Variants in CHLSN observed in about 807,000 individuals in gnomAD.
CHLSN encodes the protein cholesin, also known as protein cholesin.
the CHLSN span, among the ~76,000 whole-genome samples, chr7:1,126,171 T>G: frequency 6.6e-6 from 1 of 150,642 alleles, no homozygotes; most frequent in Non-Finnish European, 1.5e-5. Context: ...CCATCCCAGC[T>G]AACATGGTGA....
At chr7:1,133,465 G>A in the CHLSN span, among the ~76,000 whole-genome samples, 1 of 148,382 alleles carries the variant, frequency 6.7e-6, no homozygotes, top group Non-Finnish European at 1.5e-5. Context: ...TAACACCCAA[G>A]TGCGGCCAGG....
chr7:1,017,543 C>A, the CHLSN span, among the ~76,000 whole-genome samples: 1 of 152,052 alleles, frequency 6.6e-6, no homozygotes, highest in South Asian at 2.1e-4. Context: ...CCCTGGATGG[C>A]AGGGGAGGTG....
the CHLSN span, among the ~76,000 whole-genome samples, chr7:1,040,182 TTAAAAA>T: frequency 1.5e-3 from 140 of 96,102 alleles, 7 homozygotes; most frequent in Non-Finnish European, 2.0e-3. Flanking sequence ...AAAAATAAAT[TTAAAAA>T]AAAAAAAAAA....
the CHLSN span, chr7:997,480 C>T: frequency 2.1e-5 from 14 of 664,204 alleles, no homozygotes; most frequent in East Asian, 6.6e-5. Flanking sequence ...CTGGTGATCC[C>T]GGCCCCCACC....
At chr7:997,895 G>GGGCCTCA in the CHLSN span, 4 of 1,258,770 alleles carry the variant, frequency 3.2e-6, no homozygotes, top group South Asian at 4.0e-5. Context: ...AAGGACACCC[G>GGGCCTCA]GGCCTCAGGC....
the CHLSN span, among the ~76,000 whole-genome samples, chr7:1,096,033 A>T: frequency 6.6e-6 from 1 of 152,040 alleles, no homozygotes; most frequent in Non-Finnish European, 1.5e-5. This position sits in a 1 kb window ranked among gnomAD's most constrained non-coding sequence, Gnocchi z 4.6. Context: ...CAGGGACGGG[A>T]CTCAACTCAT....
the CHLSN span, among the ~76,000 whole-genome samples, chr7:1,022,292 C>T: frequency 1.3e-5 from 2 of 152,194 alleles, no homozygotes; most frequent in African/African-American, 4.8e-5. Context: ...TCTCCTGCAT[C>T]GCCTCAGACC....
chr7:1,065,795 C>T, the CHLSN span, among the ~76,000 whole-genome samples: 15 of 152,344 alleles, frequency 9.8e-5, no homozygotes, highest in Non-Finnish European at 1.8e-4. Context: ...GGCTCAGCAT[C>T]TCATGGGAAA....
chr7:986,548 G>A, the CHLSN span: 2 of 1,547,864 alleles, frequency 1.3e-6, no homozygotes, highest in East Asian at 4.5e-5. Context: ...CACAGCCGCT[G>A]GGGACGATCA....
the CHLSN span, among the ~76,000 whole-genome samples, chr7:983,606 T>TGCCC: frequency 2.0e-5 from 3 of 152,116 alleles, no homozygotes; most frequent in South Asian, 2.1e-4. Context: ...GCCCTGGAGG[T>TGCCC]GCCACCCAGG....
the CHLSN span, among the ~76,000 whole-genome samples, chr7:981,501 G>A: frequency 6.6e-6 from 1 of 151,308 alleles, no homozygotes; most frequent in African/African-American, 2.4e-5. Context: ...TCATGATGAG[G>A]TCAAGAGATC....
the CHLSN span, among the ~76,000 whole-genome samples, chr7:1,064,240 C>T: frequency 1.3e-5 from 2 of 152,152 alleles, no homozygotes; most frequent in Admixed American, 6.5e-5. Context: ...CCCGACACAG[C>T]GCCGGGTCCT....
the CHLSN span, among the ~76,000 whole-genome samples, chr7:1,105,150 G>A: frequency 2.0e-5 from 3 of 152,222 alleles, no homozygotes; most frequent in African/African-American, 7.2e-5. Flanking sequence ...GCCAGGGCAG[G>A]AGCATGGACA....
the CHLSN span, among the ~76,000 whole-genome samples, chr7:1,131,481 C>T: frequency 2.0e-5 from 3 of 152,232 alleles, no homozygotes; most frequent in African/African-American, 7.2e-5. Context: ...TCACTGGTAA[C>T]AGCACATTGG....
chr7:1,019,540 A>C, the CHLSN span, among the ~76,000 whole-genome samples: 1 of 152,200 alleles, frequency 6.6e-6, no homozygotes, highest in Non-Finnish European at 1.5e-5. Context: ...CGGGCTTTTC[A>C]AAACAGTGAA....
chr7:1,075,698 C>T, the CHLSN span, among the ~76,000 whole-genome samples: 16 of 150,566 alleles, frequency 1.1e-4, no homozygotes, highest in Admixed American at 2.0e-4. Context: ...CTGCAAGCTC[C>T]GCCTCCTGGG....
the CHLSN span, among the ~76,000 whole-genome samples, chr7:1,079,046 G>C: frequency 6.6e-6 from 1 of 151,612 alleles, no homozygotes; most frequent in Non-Finnish European, 1.5e-5. Context: ...GAGGCAGCGG[G>C]TCAGGGCTCT....
the CHLSN span, among the ~76,000 whole-genome samples, chr7:990,735 T>G: frequency 6.6e-6 from 1 of 152,070 alleles, no homozygotes; most frequent in East Asian, 1.9e-4. Context: ...CTGGCTTCAC[T>G]ATTCTCCCCT....
At chr7:1,093,817 C>T in the CHLSN span, 26 of 375,016 alleles carry the variant, frequency 6.9e-5, no homozygotes, top group South Asian at 4.9e-4. Context: ...CGGATCCTTC[C>T]GGAGGCTCTG....
Sources: allele counts gnomAD v4.1 joint callset (sites outside exome capture counted in the v4.1 genomes callset), GRCh38; gene constraint gnomAD v4.1.1; non-coding constraint Gnocchi (gnomAD v3.1); transcripts MANE v1.5; gene names NCBI Gene and HGNC (gene_info 2026-07-23, HGNC 2026-07-21).